The following TIPARP variants were observed in gnomAD, a reference collection of about 807,000 sequenced individuals.
TIPARP encodes the protein protein mono-ADP-ribosyltransferase TIPARP.
A neutral mutation model predicts 56.5 loss-of-function variants in TIPARP; 12 were observed. The ratio of observed to expected loss-of-function variants is 0.21; its 90% CI spans 0.14 to 0.34. The LOEUF is 0.34. Among genes scored for constraint, TIPARP ranks in the 10% least tolerant of loss-of-function variants. The probability of loss-of-function intolerance (pLI) is 1.00; values close to 1 mark genes in which losing one functional copy is unlikely to be tolerated. For synonymous variants in TIPARP, 296 were observed against 265.7 expected (o/e 1.11, Z -1.11); for missense variants, 604 against 781.6 (o/e 0.77, Z 2.71).
chr3:156,680,908 A>G (rs545172956), intron 2 of TIPARP, among the ~76,000 whole-genome samples: 1 of 152,324 alleles, frequency 6.6e-6, no homozygotes, highest in East Asian at 1.9e-4. Context: ...CTCCTACTAC[A>G]TTGTTAGTGG....
At chr3:156,687,150 A>G (rs1722451051) in intron 2 of TIPARP, among the ~76,000 whole-genome samples, 1 of 152,224 alleles carries the variant, frequency 6.6e-6, no homozygotes, top group Non-Finnish European at 1.5e-5. Context: ...CTGTTCTTAC[A>G]GAAATTAAGT....
chr3:156,681,168 C>G (rs1290367749), intron 2 of TIPARP: 1 of 456,492 alleles, frequency 2.2e-6, no homozygotes, highest in Non-Finnish European at 4.4e-6. Context: ...GAGAGATTCA[C>G]AAACAAGCTG....
chr3:156,681,640 C>A (rs1383972124), intron 2 of TIPARP, among the ~76,000 whole-genome samples: 1 of 152,018 alleles, frequency 6.6e-6, no homozygotes. Flanking sequence ...ATTCACAGGA[C>A]CTTTCCAACT....
At chr3:156,704,579 A>G (rs1328043125) in intron 5 of TIPARP, 105 bp from the exon 6 acceptor site, 7 of 1,230,052 alleles carry the variant, frequency 5.7e-6, no homozygotes, top group Middle Eastern at 2.0e-4. Flanking sequence ...TTTGCCCTTG[A>G]TAACTCCTCA....
At chr3:156,691,879 C>T (rs1051889411) in intron 2 of TIPARP, among the ~76,000 whole-genome samples, 2 of 152,104 alleles carry the variant, frequency 1.3e-5, no homozygotes, top group Non-Finnish European at 2.9e-5. Context: ...TAGGATTTGT[C>T]GTAGAAACTT....
chr3:156,699,266 G>A (rs1023237096), intron 4 of TIPARP, among the ~76,000 whole-genome samples: 5 of 152,218 alleles, frequency 3.3e-5, no homozygotes, highest in Non-Finnish European at 5.9e-5. Flanking sequence ...TTTGAAAGAA[G>A]TTCTGCGGGT....
chr3:156,678,109 C>T lies in TIPARP; in HGVS notation c.412C>T (p.Gln138Ter). The change falls in exon 2 of 6, where the codon CAA (glutamine) becomes TAA (stop). Residue 138 changes from glutamine to a stop codon, truncating the protein, a stop_gained. Coordinates refer to ENST00000295924, the MANE Select transcript of TIPARP (RefSeq NM_015508.5). LOFTEE classifies it high-confidence loss of function. Reference sequence around the variant, plus strand: ...AGCTCCAGAACGAGTGGTTCCAATCCAAGATCACAGCTTTCCATCAGAAAC... The same window carrying T: ...AGCTCCAGAACGAGTGGTTCCAATCTAAGATCACAGCTTTCCATCAGAAAC... ...TEAPERVVPI[Q>*]DHSFPSETLS... 2 of 1,614,052 alleles carry T rather than the reference C, an allele frequency of 1.2e-6. No homozygotes were observed. The highest frequency in any genetic ancestry group is 1.7e-6 in the Non-Finnish European group (2 of 1,180,022).
intron 2 of TIPARP, among the ~76,000 whole-genome samples, chr3:156,679,067 T>G (rs1040556288): frequency 6.6e-6 from 1 of 152,246 alleles, no homozygotes; most frequent in African/African-American, 2.4e-5. Flanking sequence ...CTCTTCATTT[T>G]GAATGGTATA....
chr3:156,702,084 GTGGTGGTGGTGA>G (rs1559977227), intron 4 of TIPARP, among the ~76,000 whole-genome samples: 8 of 150,170 alleles, frequency 5.3e-5, no homozygotes, highest in East Asian at 3.9e-4. Flanking sequence ...TGTGGTGGTG[GTGGTGGTGGTGA>G]TGGTGGTGTC....
intron 2 of TIPARP, among the ~76,000 whole-genome samples, chr3:156,687,066 A>G (rs558409839): frequency 5.3e-5 from 8 of 152,322 alleles, no homozygotes; most frequent in African/African-American, 1.7e-4. Context: ...TATAAAAATC[A>G]GTGATTGCAT....
rs182097170 is a variant in TIPARP, at chr3:156,682,213, G to T, written c.917+3599G>T. Reference sequence around the variant, plus strand: ...ACCTTATTTTGGAGGCTACCTGCAGGTGCACATGTGACCAATGATTATTTC... The same window carrying T: ...ACCTTATTTTGGAGGCTACCTGCAGTTGCACATGTGACCAATGATTATTTC... On this transcript the variant is annotated intron_variant, in intron 2 of 5. Coordinates refer to ENST00000295924, the MANE Select transcript of TIPARP (RefSeq NM_015508.5). Among the ~76,000 whole-genome samples, 9 of 152,318 alleles carry T rather than the reference G, an allele frequency of 5.9e-5. No individual in the cohort carries two copies. In the East Asian group the frequency reaches 1.7e-3, roughly 29 times the overall value.
intron 2 of TIPARP, among the ~76,000 whole-genome samples, chr3:156,689,914 C>T (rs1190179210): frequency 6.6e-6 from 1 of 152,158 alleles, no homozygotes; most frequent in Non-Finnish European, 1.5e-5. Context: ...CAGAGGTAAG[C>T]CATCTGCTTC....
intron 3 of TIPARP, 25 bp from the exon 4 acceptor site, chr3:156,695,840 T>TTTC: frequency 7.3e-7 from 1 of 1,368,806 alleles, no homozygotes; most frequent in Non-Finnish European, 9.5e-7. Context: ...TTTTTTTTTT[T>TTTC]TTTGTTCTGT....
At chr3:156,679,132 T>C (rs1474148598) in intron 2 of TIPARP, among the ~76,000 whole-genome samples, 1 of 152,228 alleles carries the variant, frequency 6.6e-6, no homozygotes. Context: ...GGATCTTTTA[T>C]TAGTTTCCTT....
chr3:156,700,160 A>G (rs948766352), intron 4 of TIPARP, among the ~76,000 whole-genome samples: 1 of 151,884 alleles, frequency 6.6e-6, no homozygotes, highest in African/African-American at 2.4e-5. Context: ...GGTGGAGTGC[A>G]GTGGTATGAT....
chr3:156,705,282 TAA>T lies in TIPARP; in HGVS notation c.*160_*161del. Reference sequence around the variant, plus strand: ...TTAAAGTGCTAGAAAATGCTTTTTTTAAAAAAAAAATACAAGTTTTAAAATGA... The same window carrying T: ...TTAAAGTGCTAGAAAATGCTTTTTTTAAAAAAAATACAAGTTTTAAAATGA... On this transcript the variant is annotated 3_prime_UTR_variant, in exon 6 of 6. Transcript: ENST00000295924. 1 of 507,958 alleles carries T rather than the reference TAA, an allele frequency of 2.0e-6. No individual in the cohort carries two copies. Among genetic ancestry groups the T allele is most frequent in the Non-Finnish European group, 3.4e-6 (1 of 294,562 alleles). The allele number at this position is 507,958 out of a possible 1,614,324, so 31.5% of individuals were successfully genotyped here. A position where few individuals can be genotyped will look rare whatever the true frequency, so the allele number is the denominator to read the frequency against.
intron 4 of TIPARP, among the ~76,000 whole-genome samples, chr3:156,701,957 T>C (rs1214917263): frequency 6.6e-6 from 1 of 151,200 alleles, no homozygotes; most frequent in African/African-American, 2.4e-5. Context: ...ACGGCAGTCA[T>C]GCTTCCATTG....
intron 2 of TIPARP, among the ~76,000 whole-genome samples, chr3:156,685,850 G>T (rs1320712078): frequency 6.6e-6 from 1 of 152,202 alleles, no homozygotes; most frequent in African/African-American, 2.4e-5. Flanking sequence ...AGTAGTGCAT[G>T]TGCTTTCAGA....
intron 3 of TIPARP, 33 bp from the exon 4 acceptor site, chr3:156,695,832 T>TTTTTTC: frequency 1.5e-6 from 2 of 1,299,744 alleles, no homozygotes; most frequent in South Asian, 2.2e-5. Context: ...TTTCCTTTTT[T>TTTTTTC]TTTTTTTTTT....
Sources: gnomAD v4.1 joint callset for allele counts (sites outside exome capture counted in the v4.1 genomes callset) on GRCh38, gnomAD v4.1.1 for gene constraint, MANE v1.5 for transcripts, NCBI Gene and HGNC (gene_info 2026-07-23, HGNC 2026-07-21) for gene names.